C3orf70: variants seen among roughly 807,000 people sequenced by gnomAD.
C3orf70 encodes the protein chromosome 3 open reading frame 70.
Under a neutral mutation model 20.7 loss-of-function variants are expected in C3orf70, and 15 were observed. The observed-to-expected ratio is 0.72, with a 90% CI of 0.48 to 1.11. The LOEUF (loss-of-function observed/expected upper bound fraction) is 1.11. C3orf70 is among the 50% of genes most tolerant of loss of function. The pLI is 0.00. For missense variants in C3orf70, 332 were observed against 317.6 expected, an observed-to-expected ratio of 1.05 and a Z score of -0.34; for synonymous variants, 161 against 125.7, an observed-to-expected ratio of 1.28 and a Z score of -1.88.
chr3:185,107,128 C>T lies in C3orf70; in HGVS notation c.197-23565G>A, dbSNP rs149307074. On this transcript the variant is annotated intron_variant, in intron 1 of 1. Transcript: ENST00000335012. ...AAGAAATTTAAAGGTTTGGTAGATA[C>T]AGGAGCGGACATTTCAATCATTTCT... is the stretch of plus-strand genomic sequence containing the variant. Among the ~76,000 whole-genome samples, 29 of 152,306 alleles carry T rather than the reference C, an allele frequency of 1.9e-4. 1 individual carries two copies. The highest frequency in any genetic ancestry group is 1.6e-3 in the Admixed American group (24 of 15,300).
intron 1 of C3orf70, among the ~76,000 whole-genome samples, chr3:185,146,641 C>A (rs958849620): frequency 5.3e-5 from 8 of 152,176 alleles, no homozygotes; most frequent in African/African-American, 1.9e-4. Flanking sequence ...CAAACTACCA[C>A]TCCTTATTTT....
chr3:185,129,286 G>C (rs1416575967), intron 1 of C3orf70, among the ~76,000 whole-genome samples: 1 of 152,104 alleles, frequency 6.6e-6, no homozygotes, highest in Non-Finnish European at 1.5e-5. Flanking sequence ...CCATGTGTTT[G>C]CATTGTTTAG....
At chr3:185,140,779 T>C (rs1435725691) in intron 1 of C3orf70, among the ~76,000 whole-genome samples, 1 of 136,682 alleles carries the variant, frequency 7.3e-6, no homozygotes. Context: ...TGAAACCCCG[T>C]CTCTACTAAA....
intron 1 of C3orf70, among the ~76,000 whole-genome samples, chr3:185,112,858 AATTAAT>A (rs1252594622): frequency 1.3e-5 from 2 of 152,152 alleles, no homozygotes; most frequent in Non-Finnish European, 2.9e-5. Context: ...TGTCTAAACT[AATTAAT>A]ATTTTCTTTT....
In C3orf70 at chr3:185,095,435, G is replaced by A. The variant is rs574027855; in HGVS notation, c.197-11872C>T. Among the ~76,000 whole-genome samples the A allele has an allele frequency of 5.9e-5, 9 of 152,308 alleles. No homozygotes were observed. The East Asian group carries it at 1.7e-3, about 29-fold the overall frequency. The stretch of plus-strand genomic sequence containing the variant: ...GTTATTAGCAGCCATTAAGTCAATG[G>A]ACAGATACTGCTAACAGAGTAAGCT... On this transcript the variant is annotated intron_variant, in intron 1 of 1. Transcript: ENST00000335012.
chr3:185,140,171 C>T (rs772906837), intron 1 of C3orf70, among the ~76,000 whole-genome samples: 2 of 152,182 alleles, frequency 1.3e-5, no homozygotes, highest in Non-Finnish European at 2.9e-5. Context: ...GGTTGTAAAA[C>T]CCAGTCATAC....
chr3:185,098,054 G>T (rs996418611), intron 1 of C3orf70, among the ~76,000 whole-genome samples: 11 of 152,126 alleles, frequency 7.2e-5, no homozygotes, highest in African/African-American at 2.7e-4. Flanking sequence ...ATGGATAAAA[G>T]GTACCACCAG....
intron 1 of C3orf70, among the ~76,000 whole-genome samples, chr3:185,141,401 T>G (rs1716747676): frequency 6.6e-6 from 1 of 152,046 alleles, no homozygotes; most frequent in Non-Finnish European, 1.5e-5. Context: ...GCCTAGCACT[T>G]GCACTCTTGA....
intron 1 of C3orf70, among the ~76,000 whole-genome samples, chr3:185,100,335 A>G (rs1715797055): frequency 6.6e-6 from 1 of 152,210 alleles, no homozygotes; most frequent in Non-Finnish European, 1.5e-5. Context: ...ACTGAAATCA[A>G]AACAACCACA....
At chr3:185,107,688 AT>A (rs1475636647) in intron 1 of C3orf70, among the ~76,000 whole-genome samples, 3 of 152,220 alleles carry the variant, frequency 2.0e-5, no homozygotes, top group African/African-American at 7.2e-5. Context: ...TCCCCTTGGA[AT>A]TCTCCAGTTT....
rs559546656 is a variant in C3orf70 at position 185,079,721 on chromosome 3, T to C, written c.*3286A>G. The C allele has an allele frequency of 6.6e-6, 1 of 152,622 alleles. No individual in the cohort carries two copies. Among genetic ancestry groups the C allele is most frequent in the East Asian group, 1.9e-4 (1 of 5,194 alleles). The allele number at this position is 152,622 out of a possible 1,614,324, so 9.5% of individuals were successfully genotyped here. A position where few individuals can be genotyped will look rare whatever the true frequency, so the allele number is the denominator to read the frequency against. On this transcript the variant is annotated 3_prime_UTR_variant, in exon 2 of 2. Coordinates refer to ENST00000335012, the MANE Select transcript of C3orf70 (RefSeq NM_001025266.3). ...AGCTTTTATACCAACTTTCCAAAAGTAGGAGTGGTACCAGGTTTCCATGTA... is the reference window on the plus strand; with the variant it reads ...AGCTTTTATACCAACTTTCCAAAAGCAGGAGTGGTACCAGGTTTCCATGTA...
chr3:185,109,691 C>T (rs567567769), intron 1 of C3orf70, among the ~76,000 whole-genome samples: 2 of 152,334 alleles, frequency 1.3e-5, no homozygotes, highest in Admixed American at 6.5e-5. Flanking sequence ...AACAATTATA[C>T]TTATTGGGCA....
At chr3:185,117,454 AAG>A (rs3072374) in intron 1 of C3orf70, among the ~76,000 whole-genome samples, 1,542 of 141,604 alleles carry the variant, frequency 0.011, 23 homozygotes, top group African/African-American at 0.034. Flanking sequence ...CACACACAGA[AAG>A]AGAGAGAGAG....
intron 1 of C3orf70, among the ~76,000 whole-genome samples, chr3:185,123,460 A>G (rs1280937723): frequency 6.6e-6 from 1 of 151,748 alleles, no homozygotes; most frequent in Non-Finnish European, 1.5e-5. Context: ...CACAATTACC[A>G]ACTATAGTGC....
intron 1 of C3orf70, among the ~76,000 whole-genome samples, chr3:185,119,734 A>C (rs1049472266): frequency 2.9e-4 from 43 of 150,534 alleles, no homozygotes; most frequent in African/African-American, 1.0e-3. Flanking sequence ...CTTTTAAAAA[A>C]ATGAAAAAGG....
At chr3:185,086,564 C>T (rs1715462871) in intron 1 of C3orf70, among the ~76,000 whole-genome samples, 1 of 152,184 alleles carries the variant, frequency 6.6e-6, no homozygotes, top group Admixed American at 6.5e-5. Flanking sequence ...TTCTGCCTCA[C>T]TCTTAGAATT....
intron 1 of C3orf70, among the ~76,000 whole-genome samples, chr3:185,091,373 G>A (rs562308742): frequency 7.9e-4 from 120 of 152,280 alleles, no homozygotes; most frequent in South Asian, 1.7e-3. Flanking sequence ...GATGGGGCTT[G>A]GAATGCTAAG....
At chr3:185,130,222 G>A (rs558771167) in intron 1 of C3orf70, among the ~76,000 whole-genome samples, 9 of 152,136 alleles carry the variant, frequency 5.9e-5, no homozygotes, top group Non-Finnish European at 8.8e-5. Context: ...AGGCCGAGGC[G>A]GGCGGATCAC....
At chr3:185,139,134 C>T (rs886936557) in intron 1 of C3orf70, among the ~76,000 whole-genome samples, 40 of 109,086 alleles carry the variant, frequency 3.7e-4, no homozygotes, top group Non-Finnish European at 3.1e-4. Context: ...GGAGGGGGAG[C>T]GGGAGGAGGA....
Sources: allele counts gnomAD v4.1 joint callset (sites outside exome capture counted in the v4.1 genomes callset), GRCh38; gene constraint gnomAD v4.1.1; transcripts MANE v1.5; gene names NCBI Gene and HGNC (gene_info 2026-07-23, HGNC 2026-07-21).